Variants in EPRS1 observed in about 807,000 individuals in gnomAD.
The protein encoded by EPRS1 is bifunctional glutamate/proline--tRNA ligase.
A neutral mutation model predicts 188.3 loss-of-function variants in EPRS1; 107 were observed. The observed-to-expected ratio is 0.57, with a 90% CI of 0.49 to 0.67. The LOEUF is 0.67. Among genes scored for constraint, EPRS1 ranks in the 30% least tolerant of loss-of-function variants. EPRS1 has a pLI of 0.00. For missense variants in EPRS1, 1,577 were observed against 1,802.2 expected (o/e 0.88, Z 2.26); for synonymous variants, 596 against 593.1 (o/e 1.00, Z -0.07).
In EPRS1 at chr1:220,024,956, G is replaced by A. The variant is rs940558800; in HGVS notation, c.750+176C>T. 6.6e-6 allele frequency: 4 copies of A among 607,290 alleles called. No homozygotes were observed. The Admixed American group carries it at 8.7e-5, about 13-fold the overall frequency. 37.6% of individuals were successfully genotyped at this position (607,290 alleles called of 1,614,324 possible). A position where few individuals can be genotyped will look rare whatever the true frequency, so the allele number is the denominator to read the frequency against. On this transcript the variant is annotated intron_variant, in intron 7 of 31. Transcript: ENST00000366923. ...TGGGGAAAGGAAAAATAACTCTTAAGTTTTTTGGTATGGGAGCTCGACATT... is the reference window on the plus strand; with the variant it reads ...TGGGGAAAGGAAAAATAACTCTTAAATTTTTTGGTATGGGAGCTCGACATT...
chr1:219,975,840 CT>C (rs1660767397), intron 28 of EPRS1, among the ~76,000 whole-genome samples: 1 of 151,778 alleles, frequency 6.6e-6, no homozygotes, highest in Non-Finnish European at 1.5e-5. Flanking sequence ...GTACACATAT[CT>C]GTATGTGTGT....
At position 219,983,396 on chromosome 1, in the gene EPRS1, G is replaced by T; in HGVS notation, c.3093C>A (p.Val1031=). Residue 1031 remains valine, a splice_region_variant and synonymous_variant, in exon 22 of 32, where the codon GTC becomes GTA. Transcript: ENST00000366923. ...EENLADWYSQ[V]ITKSEMIEYH... is the part of the protein sequence containing the mutation. ...ATTCAATCATTTCTGACTTTGTGAT[G>T]ACCTTTTTAAAAGAAAAATAGTCTT... 1.2e-6 allele frequency: 2 copies of T among 1,606,416 alleles called. No individual in the cohort carries two copies. Among genetic ancestry groups the T allele is most frequent in the South Asian group, 2.2e-5 (2 of 89,572 alleles).
chr1:220,025,157 T>C lies in EPRS1; in HGVS notation c.725A>G (p.Glu242Gly). 1 of 1,613,448 alleles carries C rather than the reference T, an allele frequency of 6.2e-7. No individual in the cohort carries two copies. Among genetic ancestry groups the C allele is most frequent in the Non-Finnish European group, 8.5e-7 (1 of 1,179,528 alleles). Residue 242 changes from glutamate (E) to glycine (G), a missense_variant, in exon 7 of 32, where the codon GAA (glutamate) becomes GGA (glycine). Around this residue, in one of 3 missense-constraint regions of EPRS1, gnomAD observed 1,278 missense variants for 1,457.4 expected, o/e 0.88. Coordinates refer to ENST00000366923, the MANE Select transcript of EPRS1 (RefSeq NM_004446.3). The stretch of plus-strand genomic sequence containing the variant: ...CTTCTCAAAATCTTCCTTTTCTTTT[T>C]CAGGATTTGTGTCATCAAATCTCAT... ...LIMRFDDTNP[E>G]KEKEDFEKVI...
At chr1:220,000,423 C>T (rs1661328043) in intron 17 of EPRS1, among the ~76,000 whole-genome samples, 1 of 152,194 alleles carries the variant, frequency 6.6e-6, no homozygotes. Context: ...GTCTTTTTCG[C>T]TCTCATTCTC....
intron 1 of EPRS1, among the ~76,000 whole-genome samples, chr1:220,040,871 A>G (rs936349312): frequency 6.6e-6 from 1 of 151,236 alleles, no homozygotes; most frequent in Non-Finnish European, 1.5e-5. Context: ...AAAATAGTAT[A>G]GTGCCTTATA....
intron 12 of EPRS1, chr1:220,018,136 A>G (rs1459240211): frequency 1.5e-6 from 2 of 1,347,422 alleles, no homozygotes; most frequent in Non-Finnish European, 9.7e-7. Context: ...CTTCTTACAG[A>G]GAGCTCGCAG....
intron 28 of EPRS1, among the ~76,000 whole-genome samples, chr1:219,976,656 T>C (rs1660787144): frequency 6.6e-6 from 1 of 151,904 alleles, no homozygotes; most frequent in Non-Finnish European, 1.5e-5. Flanking sequence ...GATAAAAAAA[T>C]TTTACAACCC....
intron 20 of EPRS1, among the ~76,000 whole-genome samples, chr1:219,985,128 A>G (rs1005473452): frequency 2.6e-5 from 4 of 152,064 alleles, no homozygotes; most frequent in Admixed American, 2.0e-4. Flanking sequence ...CACAAAATCT[A>G]GGAAAGCCAA....
At position 220,007,220 on chromosome 1, in the gene EPRS1, T is replaced by G. The variant is rs148551457; in HGVS notation, c.1724A>C (p.Asn575Thr). ...TTCTTACTTGTGTATTTTTGTAATGTTGAGGTTGCCCCAATTTATAAATGT... is the reference window on the plus strand; with the variant it reads ...TTCTTACTTGTGTATTTTTGTAATGGTGAGGTTGCCCCAATTTATAAATGT... ...MVTFINWGNL[N>T]ITKIHKNADG... The change falls in exon 14 of 32, where the codon AAC (asparagine) becomes ACC (threonine). Residue 575 changes from asparagine (N) to threonine (T), a missense_variant. Asn to Thr is a moderately conservative substitution (Grantham distance 65). Around this residue, in one of 3 missense-constraint regions of EPRS1, gnomAD observed 1,278 missense variants for 1,457.4 expected, o/e 0.88. Transcript: ENST00000366923. 1.2e-6 allele frequency: 2 copies of G among 1,613,066 alleles called. No individual in the cohort carries two copies. Among genetic ancestry groups the G allele is most frequent in the Non-Finnish European group, 1.7e-6 (2 of 1,179,588 alleles).
rs1660678533 is a variant in EPRS1 at position 219,972,056 on chromosome 1, CA to C, written c.4323+12del. 6.5e-7 allele frequency: 1 copy of C among 1,538,924 alleles called. No individual in the cohort carries two copies. Among genetic ancestry groups the C allele is most frequent in the Non-Finnish European group, 8.8e-7 (1 of 1,140,220 alleles). ...AATATTCTTATACTGAAAAGTTTTC[CA>C]AACTCTCTGACCTTTCCAGAATCTA... On this transcript the variant is annotated intron_variant, in intron 30 of 31. Coordinates refer to ENST00000366923, the MANE Select transcript of EPRS1 (RefSeq NM_004446.3).
At position 219,978,422 on chromosome 1, in the gene EPRS1, G is replaced by A. The variant is rs187703406; in HGVS notation, c.4083+124C>T. The A allele has an allele frequency of 1.2e-3, 841 of 686,128 alleles. 1 individual carries two copies. Among genetic ancestry groups the A allele is most frequent in the Admixed American group, 4.1e-3 (118 of 28,660 alleles). 42.5% of individuals were successfully genotyped at this position (686,128 alleles called of 1,614,324 possible). ...GCTCAACAGTTTAAGTGAAGAAGAAGAAAACTCACAACTATCAAAATAGAG... is the reference window on the plus strand; with the variant it reads ...GCTCAACAGTTTAAGTGAAGAAGAAAAAAACTCACAACTATCAAAATAGAG... On this transcript the variant is annotated intron_variant, in intron 28 of 31. Coordinates refer to ENST00000366923, the MANE Select transcript of EPRS1 (RefSeq NM_004446.3).
At chr1:220,033,159 G>C (rs1662116815) in intron 4 of EPRS1, among the ~76,000 whole-genome samples, 2 of 152,092 alleles carry the variant, frequency 1.3e-5, no homozygotes, top group South Asian at 4.2e-4. Context: ...TTTCAAGTCA[G>C]AGACAAGTGT....
At chr1:220,035,958 G>A (rs749159739) in intron 2 of EPRS1, among the ~76,000 whole-genome samples, 1 of 152,016 alleles carries the variant, frequency 6.6e-6, no homozygotes, top group African/African-American at 2.4e-5. Context: ...CCGGCACTTC[G>A]GGAGGCCGAG....
chr1:220,022,747 T>C (rs779819532), intron 8 of EPRS1, among the ~76,000 whole-genome samples: 24 of 152,320 alleles, frequency 1.6e-4, no homozygotes, highest in Non-Finnish European at 3.2e-4. Flanking sequence ...TTAGAAAAGG[T>C]AACATCAATA....
chr1:219,997,090 T>C lies in EPRS1; in HGVS notation c.2434A>G (p.Ile812Val). The change falls in exon 18 of 32, where the codon ATT (isoleucine) becomes GTT (valine). Residue 812 changes from isoleucine (I) to valine (V), a missense_variant. Physicochemically the swap from Ile to Val is conservative, Grantham distance 29. This residue lies in a region of EPRS1 where 1,278 missense variants were observed against 1,457.4 expected (regional missense o/e 0.88). Transcript: ENST00000366923. ...ATACTTGCTGAGGAATTAGAAGAAATATTCTGTCCTATTTCAGCAGGAGGG... is the reference window on the plus strand; with the variant it reads ...ATACTTGCTGAGGAATTAGAAGAAACATTCTGTCCTATTTCAGCAGGAGGG... ...GNPPAEIGQNISSNSSASILE... is the reference protein window; with the variant it reads ...GNPPAEIGQNVSSNSSASILE... 1 of 1,614,026 alleles carries C rather than the reference T, an allele frequency of 6.2e-7. No homozygotes were observed. The highest frequency in any genetic ancestry group is 8.5e-7 in the Non-Finnish European group (1 of 1,179,958).
chr1:220,046,489 A>ACGC lies in EPRS1; in HGVS notation c.-104_-102dup. The ACGC allele has an allele frequency of 6.5e-7, 1 of 1,527,476 alleles. No homozygotes were observed. Among genetic ancestry groups the ACGC allele is most frequent in the Non-Finnish European group, 8.8e-7 (1 of 1,136,992 alleles). 94.6% of individuals were successfully genotyped at this position (1,527,476 alleles called of 1,614,324 possible). A position where few individuals can be genotyped will look rare whatever the true frequency, so the allele number is the denominator to read the frequency against. On this transcript the variant is annotated 5_prime_UTR_variant, in exon 1 of 32. Coordinates refer to ENST00000366923, the MANE Select transcript of EPRS1 (RefSeq NM_004446.3). ...AAGATGCAACGTGTGCGCGTACCCG[A>ACGC]CGCCGCCGCAGCCTTCGCTCCGCCC...
At chr1:220,017,558 AT>A (rs2102587656) in intron 12 of EPRS1, among the ~76,000 whole-genome samples, 1 of 152,322 alleles carries the variant, frequency 6.6e-6, no homozygotes. Flanking sequence ...AAAGACCAAA[AT>A]AAAACAAATT....
chr1:219,979,524 G>C lies in EPRS1; in HGVS notation c.3803C>G (p.Ala1268Gly). Residue 1268 changes from alanine to glycine, a missense_variant, in exon 27 of 32, where the codon GCC becomes GGC. Physicochemically the swap from Ala to Gly is moderately conservative, Grantham distance 60 (BLOSUM62 0). This residue lies in a region of EPRS1 where 296 missense variants were observed against 327.9 expected (regional missense o/e 0.90). Transcript: ENST00000366923. ...DPKIPGEKQF[A>G]YQNSWGLTTR... ...TGTCAGGCCCCAGGAGTTTTGATAG[G>C]CAAATTGCTTCTCTCCTGGTATCTT... The C allele has an allele frequency of 6.2e-7, 1 of 1,613,642 alleles. No homozygotes were observed. The highest frequency in any genetic ancestry group is 1.1e-5 in the South Asian group (1 of 91,068).
intron 13 of EPRS1, among the ~76,000 whole-genome samples, chr1:220,010,093 C>A (rs371422374): frequency 5.3e-4 from 53 of 100,460 alleles, no homozygotes; most frequent in East Asian, 1.2e-3. Context: ...GCAACTGTCT[C>A]AAAAAAAAAA....
Sources: allele counts gnomAD v4.1 joint callset (sites outside exome capture counted in the v4.1 genomes callset), GRCh38; gene constraint gnomAD v4.1.1; regional missense constraint gnomAD v4.1.1; transcripts MANE v1.5; gene names NCBI Gene and HGNC (gene_info 2026-07-23, HGNC 2026-07-21).